ASPRV1: variants seen among roughly 807,000 people sequenced by gnomAD.
ASPRV1 encodes retroviral-like aspartic protease 1.
Under a neutral mutation model 11.0 loss-of-function variants are expected in ASPRV1, and 7 were observed. That is an observed-to-expected ratio of 0.64 (90% CI 0.36 to 1.20). ASPRV1 has a LOEUF of 1.20. Ranked by LOEUF, ASPRV1 falls within the 50% of genes most tolerant of loss-of-function variation. The pLI is 0.02. For synonymous variants in ASPRV1, 136 were observed against 138.4 expected, an observed-to-expected ratio of 0.98 and a Z score of 0.12; for missense variants, 299 against 320.0, an observed-to-expected ratio of 0.93 and a Z score of 0.50.
At chr2:70,066,858 G>A in the ASPRV1 span, among the ~76,000 whole-genome samples, 1 of 152,024 alleles carries the variant, frequency 6.6e-6, no homozygotes, top group African/African-American at 2.4e-5. Context: ...CCAAATTGCT[G>A]GGATTACAGG....
the ASPRV1 span, among the ~76,000 whole-genome samples, chr2:70,028,803 G>A: frequency 7.9e-5 from 12 of 152,188 alleles, no homozygotes; most frequent in African/African-American, 2.4e-4. Context: ...ATAGCCAGGC[G>A]TGGTGGCACG....
At chr2:70,086,791 CTT>C in the ASPRV1 span, among the ~76,000 whole-genome samples, 1 of 152,262 alleles carries the variant, frequency 6.6e-6, no homozygotes, top group Non-Finnish European at 1.5e-5. Flanking sequence ...GGACGCCATT[CTT>C]TTTAGGACCA....
At chr2:70,055,190 C>T in the ASPRV1 span, among the ~76,000 whole-genome samples, 6 of 152,236 alleles carry the variant, frequency 3.9e-5, no homozygotes, top group Admixed American at 1.3e-4. Context: ...GTAATCCCAG[C>T]TACTCAGGAG....
At chr2:69,951,584 T>TATAG in the ASPRV1 span, among the ~76,000 whole-genome samples, 5 of 150,326 alleles carry the variant, frequency 3.3e-5, no homozygotes, top group South Asian at 1.0e-3. Flanking sequence ...TAAACATATA[T>TATAG]ATAGATAGAT....
chr2:70,059,590 T>G, the ASPRV1 span: 1 of 153,216 alleles, frequency 6.5e-6, no homozygotes, highest in East Asian at 1.9e-4. Context: ...TTGTGCACGT[T>G]ATTTCTATTA....
the ASPRV1 span, among the ~76,000 whole-genome samples, chr2:69,990,214 C>T: frequency 1.6e-4 from 25 of 152,174 alleles, no homozygotes; most frequent in Non-Finnish European, 2.9e-4. Flanking sequence ...AACAGAGTCT[C>T]ACTCTATTGT....
chr2:70,043,931 C>T, the ASPRV1 span, among the ~76,000 whole-genome samples: 5 of 152,164 alleles, frequency 3.3e-5, no homozygotes, highest in Admixed American at 1.3e-4. Context: ...GCACTGTCAG[C>T]TGCTTGTCTT....
chr2:70,027,700 A>G, the ASPRV1 span, among the ~76,000 whole-genome samples: 1 of 152,228 alleles, frequency 6.6e-6, no homozygotes, highest in Non-Finnish European at 1.5e-5. Context: ...GAAGGGTAGG[A>G]GAGAGACTGA....
At chr2:70,085,931 CTTAAA>C in the ASPRV1 span, 77 of 152,368 alleles carry the variant, frequency 5.1e-4, no homozygotes, top group African/African-American at 1.6e-3. Context: ...TATCTCATTC[CTTAAA>C]TTAAACAGAG....
the ASPRV1 span, chr2:69,938,498 T>C: frequency 1.8e-6 from 1 of 547,788 alleles, no homozygotes; most frequent in Non-Finnish European, 3.3e-6. Flanking sequence ...AAAATTTGTC[T>C]CTGAGAGACT....
At chr2:69,934,917 CTCCTTGACTTATGATGGGGTTATG>C in the ASPRV1 span, among the ~76,000 whole-genome samples, 1 of 152,142 alleles carries the variant, frequency 6.6e-6, no homozygotes, top group African/African-American at 2.4e-5. Context: ...GATATATATG[CTCCTTGACTTATGATGGGGTTATG>C]TCTCAAGAAG....
the ASPRV1 span, among the ~76,000 whole-genome samples, chr2:70,006,321 C>T: frequency 6.6e-6 from 1 of 152,132 alleles, no homozygotes; most frequent in African/African-American, 2.4e-5. Context: ...AGGACCAAGG[C>T]CTGGAGGTCC....
At chr2:70,054,847 A>C in the ASPRV1 span, among the ~76,000 whole-genome samples, 1 of 152,156 alleles carries the variant, frequency 6.6e-6, no homozygotes, top group African/African-American at 2.4e-5. Context: ...GGGATCATTC[A>C]CAAGACAAAA....
chr2:70,025,556 CAG>C, the ASPRV1 span, among the ~76,000 whole-genome samples: 1 of 152,156 alleles, frequency 6.6e-6, no homozygotes, highest in African/African-American at 2.4e-5. Flanking sequence ...GAGGCCACAA[CAG>C]AGAGTTGGGT....
the ASPRV1 span, among the ~76,000 whole-genome samples, chr2:69,987,726 C>A: frequency 1.3e-5 from 2 of 152,072 alleles, no homozygotes; most frequent in South Asian, 4.1e-4. Flanking sequence ...CTCCAGCCTG[C>A]ACCACAGTGA....
chr2:70,087,348 T>C, the ASPRV1 span: 3 of 152,064 alleles, frequency 2.0e-5, no homozygotes, highest in African/African-American at 7.2e-5. Context: ...TTAAGGACCA[T>C]GTAAGGGTTG....
At chr2:69,963,833 C>T (rs1005512603), upstream of ASPRV1, among the ~76,000 whole-genome samples, 8 of 152,114 alleles carry the variant, frequency 5.3e-5, no homozygotes, top group Admixed American at 3.9e-4. Flanking sequence ...GGCTTTCCAG[C>T]GGCCAGAGAA....
downstream of ASPRV1, among the ~76,000 whole-genome samples, chr2:69,956,182 T>G (rs1487411951): frequency 6.6e-6 from 1 of 152,122 alleles, no homozygotes; most frequent in African/African-American, 2.4e-5. Flanking sequence ...TCAAAATAAA[T>G]AATGATTGTA....
chr2:70,065,755 G>T, the ASPRV1 span, among the ~76,000 whole-genome samples: 1 of 146,470 alleles, frequency 6.8e-6, no homozygotes, highest in Non-Finnish European at 1.5e-5. Context: ...AGCCCAGAGC[G>T]GTACAGTCAG....
Sources: gnomAD v4.1 joint callset for allele counts (sites outside exome capture counted in the v4.1 genomes callset) on GRCh38, gnomAD v4.1.1 for gene constraint, MANE v1.5 for transcripts, NCBI Gene and HGNC (gene_info 2026-07-23, HGNC 2026-07-21) for gene names.